Variants in TERB1 observed in about 807,000 individuals in gnomAD.
TERB1 encodes telomere repeat binding bouquet formation protein 1, also known as telomere repeats-binding bouquet formation protein 1.
In TERB1, 63 loss-of-function variants were observed where a neutral mutation model predicts 92.3. That is an observed-to-expected ratio of 0.68 (90% CI 0.56 to 0.84). The LOEUF (loss-of-function observed/expected upper bound fraction) is 0.84. Ranked by LOEUF, TERB1 falls within the 40% of genes least tolerant of loss-of-function variation. The pLI is 0.00. For missense variants in TERB1, 709 were observed against 843.7 expected (o/e 0.84, Z 1.98); for synonymous variants, 252 against 283.9 (o/e 0.89, Z 1.13).
rs1291249617 is a variant in TERB1 at position 66,797,548 on chromosome 16, AT to A, written c.-32-719del. 2.8e-5 allele frequency among the ~76,000 whole-genome samples: 4 copies of A among 141,602 alleles called. No individual in the cohort carries two copies. In the East Asian group the frequency reaches 8.5e-4, roughly 30 times the overall value. 92.9% of individuals were successfully genotyped at this position (141,602 alleles called of 152,430 possible). Reference sequence around the variant, plus strand: ...TCCCACACCCAGCCCCCATTTTCTTATTTTCTTCATGGAAATCTTCATCTCA... The same window carrying A: ...TCCCACACCCAGCCCCCATTTTCTTATTTCTTCATGGAAATCTTCATCTCA... On this transcript the variant is annotated intron_variant, in intron 2 of 18. Transcript: ENST00000433154.
At chr16:66,760,130 C>CAAAAAAAA (rs148772308) in intron 16 of TERB1, among the ~76,000 whole-genome samples, 2 of 23,374 alleles carry the variant, frequency 8.6e-5, no homozygotes, top group East Asian at 1.0e-3. Context: ...GACTCCATCT[C>CAAAAAAAA]AAAAAAAAAA....
chr16:66,787,624 C>T lies in TERB1; in HGVS notation c.400+545G>A, dbSNP rs1396492750. On this transcript the variant is annotated intron_variant, in intron 6 of 18. Coordinates refer to ENST00000433154, the MANE Select transcript of TERB1 (RefSeq NM_001136505.2). ...AAACACTGTAACTAAATGGTCAATT[C>T]AGCAGAAAATCAAATAAACTAATTC... 2.6e-5 allele frequency among the ~76,000 whole-genome samples: 4 copies of T among 152,188 alleles called. No homozygotes were observed. In the East Asian group the frequency reaches 5.8e-4, roughly 22 times the overall value.
In TERB1 at chr16:66,770,318, T is replaced by C. The variant is rs1243152061; in HGVS notation, c.1273-9A>G. On this transcript the variant is annotated splice_polypyrimidine_tract_variant and intron_variant, in intron 13 of 18. Coordinates refer to ENST00000433154, the MANE Select transcript of TERB1 (RefSeq NM_001136505.2). ...TCTCTTTGTATTTCTTCCTATAGTG[T>C]AAAAATGACAAATAATTTCAATATA... 9 of 1,456,334 alleles carry C rather than the reference T, an allele frequency of 6.2e-6. No homozygotes were observed. Among genetic ancestry groups the C allele is most frequent in the Non-Finnish European group, 8.3e-6 (9 of 1,078,134 alleles). The allele number at this position is 1,456,334 out of a possible 1,614,324, so 90.2% of individuals were successfully genotyped here.
chr16:66,800,281 C>T (rs1959237253), intron 2 of TERB1: 1 of 151,840 alleles, frequency 6.6e-6, no homozygotes, highest in Admixed American at 6.6e-5. Flanking sequence ...TGGGAAGATC[C>T]CTTGAGCCCA....
At chr16:66,780,781 T>C (rs558634472) in intron 9 of TERB1, among the ~76,000 whole-genome samples, 11 of 152,324 alleles carry the variant, frequency 7.2e-5, no homozygotes, top group African/African-American at 2.2e-4. Flanking sequence ...CTCATTAAAG[T>C]TGGCTTTTAG....
chr16:66,786,179 T>C (rs1420244476), intron 7 of TERB1, 46 bp downstream of exon 7: 1 of 1,527,380 alleles, frequency 6.5e-7, no homozygotes, highest in Admixed American at 2.0e-5. Flanking sequence ...TGTGTTAAGG[T>C]CCTAAGTAAT....
chr16:66,791,131 T>A (rs1021948821), intron 3 of TERB1, 112 bp from the exon 4 acceptor site: 24 of 524,188 alleles, frequency 4.6e-5, no homozygotes, highest in African/African-American at 4.1e-4. Context: ...TTTAAAGTAA[T>A]AGGCAGGTAT....
At chr16:66,762,188 C>T (rs1422546050) in intron 16 of TERB1, among the ~76,000 whole-genome samples, 3 of 152,194 alleles carry the variant, frequency 2.0e-5, no homozygotes, top group Non-Finnish European at 2.9e-5. Context: ...AAATTTCAAA[C>T]ACTGAACTCC....
At chr16:66,787,817 G>A (rs567207288) in intron 6 of TERB1, among the ~76,000 whole-genome samples, 1 of 152,092 alleles carries the variant, frequency 6.6e-6, no homozygotes, top group Admixed American at 6.5e-5. Context: ...AAAGACACTG[G>A]GCCGGGAGCA....
At chr16:66,794,955 A>C (rs922758461) in intron 3 of TERB1, among the ~76,000 whole-genome samples, 7 of 152,068 alleles carry the variant, frequency 4.6e-5, no homozygotes, top group African/African-American at 1.7e-4. Flanking sequence ...ACAATCAAAT[A>C]AAATTTGATA....
At chr16:66,776,007 GC>G (rs1003835593) in intron 11 of TERB1, among the ~76,000 whole-genome samples, 2 of 151,868 alleles carry the variant, frequency 1.3e-5, no homozygotes, top group Non-Finnish European at 2.9e-5. Flanking sequence ...ACCATGTCCA[GC>G]CCCCAAAAGG....
Position 66,785,774 on chromosome 16 carries a change from A to G in TERB1, c.700+12T>C. Reference sequence around the variant, plus strand: ...TTCTTCAACTATGACCTAGAAAATAACGAACACTTACTGTTATTTGCAAGA... The same window carrying G: ...TTCTTCAACTATGACCTAGAAAATAGCGAACACTTACTGTTATTTGCAAGA... On this transcript the variant is annotated intron_variant, in intron 9 of 18. Coordinates refer to ENST00000433154, the MANE Select transcript of TERB1 (RefSeq NM_001136505.2). The G allele has an allele frequency of 6.6e-7, 1 of 1,514,602 alleles. No homozygotes were observed. The highest frequency in any genetic ancestry group is 1.3e-5 in the South Asian group (1 of 77,170). 93.8% of individuals were successfully genotyped at this position (1,514,602 alleles called of 1,614,324 possible). A position where few individuals can be genotyped will look rare whatever the true frequency, so the allele number is the denominator to read the frequency against.
intron 3 of TERB1, among the ~76,000 whole-genome samples, chr16:66,793,222 T>TG (rs1221408549): frequency 1.4e-5 from 2 of 141,844 alleles, no homozygotes; most frequent in Non-Finnish European, 3.1e-5. Context: ...TTTTTTTTTT[T>TG]TTTTTTTTTT....
In TERB1 at chr16:66,786,082, A is replaced by G; in HGVS notation, c.509T>C (p.Phe170Ser). Residue 170 changes from phenylalanine to serine, a missense_variant, in exon 8 of 19, where the codon TTC becomes TCC. Coordinates refer to ENST00000433154, the MANE Select transcript of TERB1 (RefSeq NM_001136505.2). ...HELDLSDKNVFQSYQLWSSVC... is the reference protein window; with the variant it reads ...HELDLSDKNVSQSYQLWSSVC... Reference sequence around the variant, plus strand: ...TGAAGACCACAACTGATAACTCTGGAAAACATTTTTATCTGACAAATCCAA... The same window carrying G: ...TGAAGACCACAACTGATAACTCTGGGAAACATTTTTATCTGACAAATCCAA... 6.4e-7 allele frequency: 1 copy of G among 1,551,684 alleles called. No individual in the cohort carries two copies. Among genetic ancestry groups the G allele is most frequent in the Non-Finnish European group, 8.7e-7 (1 of 1,146,912 alleles).
In TERB1 at chr16:66,801,535, A is replaced by C. The variant is rs1437798359; in HGVS notation, c.-177T>G. On this transcript the variant is annotated 5_prime_UTR_variant, in exon 1 of 19. Transcript: ENST00000433154. ...GCGGAGGCCGTGGCGTCTACCCTCA[A>C]GCGGGAGCTTCCGCCCTTTCTTCAT... The C allele has an allele frequency of 6.6e-6, 1 of 152,212 alleles. No individual in the cohort carries two copies. Among genetic ancestry groups the C allele is most frequent in the African/African-American group, 2.4e-5 (1 of 41,426 alleles). The allele number at this position is 152,212 out of a possible 1,614,324, so 9.4% of individuals were successfully genotyped here.
chr16:66,775,217 T>A lies in TERB1; in HGVS notation c.1012A>T (p.Asn338Tyr), dbSNP rs1417248861. The change falls in exon 12 of 19, where the codon AAC (asparagine) becomes TAC (tyrosine). Residue 338 changes from asparagine (N) to tyrosine (Y), a missense_variant. Asn to Tyr is a moderately radical substitution (Grantham distance 143). Coordinates refer to ENST00000433154, the MANE Select transcript of TERB1 (RefSeq NM_001136505.2). Reference protein sequence around the residue: ...CEENQYDLFKNNGLPLMIQAL... With the variant: ...CEENQYDLFKYNGLPLMIQAL... The stretch of plus-strand genomic sequence containing the variant: ...TGAATCATGAGTGGAAGCCCATTGT[T>A]TTTAAAAAGGTCATACTGATTTTCC... 1 of 1,551,206 alleles carries A rather than the reference T, an allele frequency of 6.4e-7. No homozygotes were observed. The highest frequency in any genetic ancestry group is 8.7e-7 in the Non-Finnish European group (1 of 1,146,670).
At chr16:66,784,237 A>C (rs2018683105) in intron 9 of TERB1, among the ~76,000 whole-genome samples, 1 of 109,780 alleles carries the variant, frequency 9.1e-6, no homozygotes, top group South Asian at 3.2e-4. Context: ...CTATTTCACG[A>C]TTTCTAATCT....
In TERB1 at chr16:66,783,880, G is replaced by A. The variant is rs572048464; in HGVS notation, c.700+1906C>T. ...CCAATAGCTGGGACTACAGGCATGC[G>A]CCACCGTGCCCAGCTTGTGTTAAGG... On this transcript the variant is annotated intron_variant, in intron 9 of 18. Transcript: ENST00000433154. Among the ~76,000 whole-genome samples the A allele has an allele frequency of 2.6e-4, 39 of 152,248 alleles. No homozygotes were observed. The South Asian group carries it at 6.8e-3, about 27-fold the overall frequency.
chr16:66,767,574 T>G (rs1453693797), intron 15 of TERB1, 64 bp from the exon 16 acceptor site: 1 of 762,974 alleles, frequency 1.3e-6, no homozygotes, highest in African/African-American at 1.8e-5. Flanking sequence ...TTTTCAGGAT[T>G]TATTAAATAT....
Sources: gnomAD v4.1 joint callset for allele counts (sites outside exome capture counted in the v4.1 genomes callset) on GRCh38, gnomAD v4.1.1 for gene constraint, MANE v1.5 for transcripts, NCBI Gene and HGNC (gene_info 2026-07-23, HGNC 2026-07-21) for gene names.